Variants in HDLBP observed in about 807,000 individuals in gnomAD.
The protein encoded by HDLBP is high density lipoprotein binding protein.
In HDLBP, 30 loss-of-function variants were observed where a neutral mutation model predicts 137.3. The ratio of observed to expected loss-of-function variants is 0.22; its 90% CI spans 0.16 to 0.30. The LOEUF (loss-of-function observed/expected upper bound fraction) is 0.30, where lower values mean the gene tolerates loss of function less well. HDLBP is among the 10% of genes least tolerant of loss of function. The pLI is 1.00. For synonymous variants in HDLBP, 606 were observed against 596.0 expected, an observed-to-expected ratio of 1.02 and a Z score of -0.24; for missense variants, 1,119 against 1,667.3, an observed-to-expected ratio of 0.67 and a Z score of 5.73.
intron 5 of HDLBP, among the ~76,000 whole-genome samples, chr2:241,257,622 T>C (rs1353937765): frequency 6.6e-6 from 1 of 152,164 alleles, no homozygotes; most frequent in Non-Finnish European, 1.5e-5. Flanking sequence ...AGTATGTGCA[T>C]TCGAAATTAG....
intron 1 of HDLBP, among the ~76,000 whole-genome samples, chr2:241,283,094 A>C (rs1351727939): frequency 6.6e-6 from 1 of 152,250 alleles, no homozygotes. Flanking sequence ...TAAGAGAGCG[A>C]AACAGCCTTA....
intron 5 of HDLBP, among the ~76,000 whole-genome samples, chr2:241,259,514 T>G (rs1031675116): frequency 5.0e-5 from 6 of 120,152 alleles, no homozygotes; most frequent in Admixed American, 1.6e-4. Flanking sequence ...ATTTTCCTTT[T>G]CTGGGACTCT....
Position 241,256,878 on chromosome 2 carries a change from T to C in HDLBP, c.451-72A>G. The C allele has an allele frequency of 4.5e-6, 6 of 1,327,370 alleles. 1 individual carries two copies. Among genetic ancestry groups the C allele is most frequent in the Middle Eastern group, 1.9e-4 (1 of 5,288 alleles). 82.2% of individuals were successfully genotyped at this position (1,327,370 alleles called of 1,614,324 possible). ...TGAAGGAGCATATTTTTCCAAGACATTCTGGCAGAAACACCATCTTTGCTT... is the reference window on the plus strand; with the variant it reads ...TGAAGGAGCATATTTTTCCAAGACACTCTGGCAGAAACACCATCTTTGCTT... On this transcript the variant is annotated intron_variant, in intron 5 of 27. Coordinates refer to ENST00000310931, the MANE Select transcript of HDLBP (RefSeq NM_005336.6).
At chr2:241,265,722 G>A (rs1210785972) in intron 3 of HDLBP, among the ~76,000 whole-genome samples, 1 of 152,222 alleles carries the variant, frequency 6.6e-6, no homozygotes, top group Non-Finnish European at 1.5e-5. Flanking sequence ...GAATCAGACA[G>A]GCTCATGCCC....
intron 12 of HDLBP, 30 bp from the exon 13 acceptor site, chr2:241,248,378 T>C (rs1344886070): frequency 7.7e-6 from 12 of 1,554,076 alleles, no homozygotes; most frequent in Non-Finnish European, 1.1e-5. Context: ...AGATGTCATT[T>C]ATCACAAGCA....
In HDLBP at chr2:241,233,733, T is replaced by A; in HGVS notation, c.3288+87A>T. The A allele has an allele frequency of 1.3e-6, 2 of 1,492,236 alleles. No individual in the cohort carries two copies. The allele number at this position is 1,492,236 out of a possible 1,614,324, so 92.4% of individuals were successfully genotyped here. ...TCTCAACTTGGCCCTCGAACCCCCATCTAGGCACATCTGGTTACTGCTCCC... is the reference window on the plus strand; with the variant it reads ...TCTCAACTTGGCCCTCGAACCCCCAACTAGGCACATCTGGTTACTGCTCCC... On this transcript the variant is annotated intron_variant, in intron 24 of 27. Transcript: ENST00000310931. The surrounding 1 kb of genome is among the most constrained non-coding windows in gnomAD (Gnocchi z 4.3).
chr2:241,264,914 C>G (rs935087347), intron 3 of HDLBP, among the ~76,000 whole-genome samples: 1 of 152,180 alleles, frequency 6.6e-6, no homozygotes, highest in Admixed American at 6.5e-5. Context: ...ACTCCCCTAA[C>G]GGGGTGAGTC....
chr2:241,249,827 G>T lies in HDLBP; in HGVS notation c.1512+14C>A. 1 of 1,594,256 alleles carries T rather than the reference G, an allele frequency of 6.3e-7. No individual in the cohort carries two copies. Among genetic ancestry groups the T allele is most frequent in the Non-Finnish European group, 8.5e-7 (1 of 1,171,858 alleles). On this transcript the variant is annotated intron_variant, in intron 12 of 27. Coordinates refer to ENST00000310931, the MANE Select transcript of HDLBP (RefSeq NM_005336.6). The stretch of plus-strand genomic sequence containing the variant: ...GGCCAGTGCCTTTCTAGAGGGCCCA[G>T]CCATGGCACTTACCATGCGAGATGC...
intron 5 of HDLBP, among the ~76,000 whole-genome samples, chr2:241,261,766 T>C (rs150703836): frequency 1.3e-5 from 2 of 152,314 alleles, no homozygotes; most frequent in Non-Finnish European, 2.9e-5. Flanking sequence ...TGCCCCCATG[T>C]GGTTAAGTGG....
intron 23 of HDLBP, 129 bp from the exon 24 acceptor site, chr2:241,234,092 T>G: frequency 1.9e-6 from 2 of 1,034,442 alleles, no homozygotes; most frequent in Admixed American, 2.2e-5. Context: ...TCCGGAATGG[T>G]CCGCCATCTC....
Position 241,272,093 on chromosome 2 carries a change from A to C in HDLBP, c.-102-3552T>G. 1.5e-6 allele frequency: 1 copy of C among 684,146 alleles called. No homozygotes were observed. Among genetic ancestry groups the C allele is most frequent in the Non-Finnish European group, 1.8e-6 (1 of 554,382 alleles). 42.4% of individuals were successfully genotyped at this position (684,146 alleles called of 1,614,324 possible). A position where few individuals can be genotyped will look rare whatever the true frequency, so the allele number is the denominator to read the frequency against. Reference sequence around the variant, plus strand: ...GGTACTTTTCCGTAATGTATTTTTCATCCACGACCCTGGGGCACGTCCAAG... The same window carrying C: ...GGTACTTTTCCGTAATGTATTTTTCCTCCACGACCCTGGGGCACGTCCAAG... On this transcript the variant is annotated intron_variant, in intron 1 of 27. Coordinates refer to ENST00000310931, the MANE Select transcript of HDLBP (RefSeq NM_005336.6). This position sits in a 1 kb window ranked among gnomAD's most constrained non-coding sequence, Gnocchi z 5.6.
At chr2:241,297,555 G>A (rs1029729274) in intron 1 of HDLBP, among the ~76,000 whole-genome samples, 2 of 152,150 alleles carry the variant, frequency 1.3e-5, no homozygotes, top group African/African-American at 2.4e-5. Context: ...CACATACTCT[G>A]TTGACTGAGA....
At chr2:241,253,752 C>T (rs1199242416) in intron 9 of HDLBP, among the ~76,000 whole-genome samples, 1 of 152,236 alleles carries the variant, frequency 6.6e-6, no homozygotes, top group African/African-American at 2.4e-5. Flanking sequence ...ACAGAAGCCA[C>T]TAACATAAAG....
At chr2:241,266,199 T>C (rs1278340145) in intron 3 of HDLBP, among the ~76,000 whole-genome samples, 1 of 152,178 alleles carries the variant, frequency 6.6e-6, no homozygotes, top group Non-Finnish European at 1.5e-5. Context: ...CGAAGAGAAA[T>C]AATCTCAAAT....
At position 241,240,795 on chromosome 2, in the gene HDLBP, G is replaced by A. The variant is rs774169745; in HGVS notation, c.2170-673C>T. Among the ~76,000 whole-genome samples, 3 of 152,164 alleles carry A rather than the reference G, an allele frequency of 2.0e-5. No homozygotes were observed. The highest frequency in any genetic ancestry group is 4.4e-5 in the Non-Finnish European group (3 of 68,030). On this transcript the variant is annotated intron_variant, in intron 17 of 27. Coordinates refer to ENST00000310931, the MANE Select transcript of HDLBP (RefSeq NM_005336.6). The surrounding 1 kb of genome is among the most constrained non-coding windows in gnomAD (Gnocchi z 5.5). ...TGGAAAGGCCCCGGACACTGCTTGT[G>A]GACACCAGTGCTTCTGGCAGACCCA...
intron 9 of HDLBP, among the ~76,000 whole-genome samples, chr2:241,254,190 T>TGA (rs1025065604): frequency 6.6e-5 from 10 of 152,010 alleles, no homozygotes; most frequent in Non-Finnish European, 1.5e-5. Flanking sequence ...ACTTGACCCA[T>TGA]GAGTTCAAGG....
intron 1 of HDLBP, among the ~76,000 whole-genome samples, chr2:241,301,765 CGTTTT>C (rs918362714): frequency 2.6e-5 from 4 of 151,512 alleles, no homozygotes; most frequent in African/African-American, 7.3e-5. Context: ...CCTTTCCTTT[CGTTTT>C]GTTTTTTTTT....
intron 8 of HDLBP, 62 bp from the exon 9 acceptor site, chr2:241,255,220 C>T: frequency 6.5e-7 from 1 of 1,533,356 alleles, no homozygotes; most frequent in South Asian, 1.1e-5. Flanking sequence ...CAGTGAAAGC[C>T]AGGCTGCTCA....
chr2:241,297,873 C>T (rs1490154221), intron 1 of HDLBP, among the ~76,000 whole-genome samples: 2 of 151,344 alleles, frequency 1.3e-5, no homozygotes, highest in African/African-American at 4.9e-5. Flanking sequence ...CATGGTGAAA[C>T]CTTCTCTCTA....
Sources: gnomAD v4.1 joint callset for allele counts (sites outside exome capture counted in the v4.1 genomes callset) on GRCh38, gnomAD v4.1.1 for gene constraint, Gnocchi (gnomAD v3.1) non-coding constraint, MANE v1.5 for transcripts, NCBI Gene and HGNC (gene_info 2026-07-23, HGNC 2026-07-21) for gene names.